SOX5: variants seen among roughly 807,000 people sequenced by gnomAD.
The protein encoded by SOX5 is SRY-box transcription factor 5, also known as transcription factor SOX-5.
SOX5 carries 9 observed loss-of-function variants against 92.0 expected under a neutral mutation model. The ratio of observed to expected loss-of-function variants is 0.10; its 90% confidence interval spans 0.06 to 0.17. The LOEUF (loss-of-function observed/expected upper bound fraction) is 0.17. Ranked by LOEUF, SOX5 falls within the 10% of genes least tolerant of loss-of-function variation. The probability of loss-of-function intolerance (pLI) is 1.00; values close to 1 mark genes in which losing one functional copy is unlikely to be tolerated. For missense variants in SOX5, 642 were observed against 944.5 expected, an observed-to-expected ratio of 0.68 and a Z score of 4.20; for synonymous variants, 344 against 336.3, an observed-to-expected ratio of 1.02 and a Z score of -0.25.
intron 1 of SOX5, among the ~76,000 whole-genome samples, chr12:24,376,857 C>T (rs1282031203): frequency 6.7e-6 from 1 of 149,370 alleles, no homozygotes; most frequent in Non-Finnish European, 1.5e-5. Flanking sequence ...GTGTGTGCCC[C>T]ATGCCCAGCT....
rs572426733 is a variant in SOX5, at chr12:23,657,432, G to A, written c.931+8012C>T. On this transcript the variant is annotated intron_variant, in intron 7 of 14. Coordinates refer to ENST00000451604, the MANE Select transcript of SOX5 (RefSeq NM_006940.6). ...ACGGAAAATATATATCTATTGTAGA[G>A]TTTGAAGCAAAATGTTTTATCTTAG... Among the ~76,000 whole-genome samples, 4 of 152,154 alleles carry A rather than the reference G, an allele frequency of 2.6e-5. 1 individual carries two copies. In the South Asian group the frequency reaches 8.3e-4, roughly 32 times the overall value.
At chr12:24,300,099 T>C (rs1158384914) in intron 2 of SOX5, among the ~76,000 whole-genome samples, 4 of 152,222 alleles carry the variant, frequency 2.6e-5, no homozygotes, top group African/African-American at 9.6e-5. Context: ...TCATGAACAA[T>C]TTAAATGTAT....
intron 4 of SOX5, among the ~76,000 whole-genome samples, chr12:24,063,607 G>A (rs935118501): frequency 6.6e-6 from 1 of 152,122 alleles, no homozygotes; most frequent in African/African-American, 2.4e-5. Context: ...TAAGGATGGC[G>A]AATGATTTCA....
intron 1 of SOX5, among the ~76,000 whole-genome samples, chr12:24,493,751 CT>C (rs1947327653): frequency 6.6e-6 from 1 of 151,850 alleles, no homozygotes; most frequent in African/African-American, 2.4e-5. Flanking sequence ...GTAGTCCCAG[CT>C]ACTCGGGAGG....
intron 1 of SOX5, among the ~76,000 whole-genome samples, chr12:24,472,584 G>T (rs955288794): frequency 6.6e-6 from 1 of 152,112 alleles, no homozygotes; most frequent in Non-Finnish European, 1.5e-5. Flanking sequence ...CCCCCAAATG[G>T]TTAACATAAG....
chr12:24,012,557 C>A (rs1331924875), intron 4 of SOX5, among the ~76,000 whole-genome samples: 1 of 152,130 alleles, frequency 6.6e-6, no homozygotes, highest in Non-Finnish European at 1.5e-5. Context: ...TCTGACTCAT[C>A]CTCATAACTC....
chr12:23,990,092 A>G (rs566922538), intron 4 of SOX5, among the ~76,000 whole-genome samples: 1 of 152,102 alleles, frequency 6.6e-6, no homozygotes, highest in South Asian at 2.1e-4. Flanking sequence ...GGAGGGAGTG[A>G]AGATATAAAA....
intron 2 of SOX5, among the ~76,000 whole-genome samples, chr12:23,853,543 G>GTTTTTTTTT: frequency 7.7e-6 from 1 of 129,046 alleles, no homozygotes; most frequent in Non-Finnish European, 1.7e-5. Flanking sequence ...TGTCTAACGT[G>GTTTTTTTTT]TTTTTTTTTT....
chr12:23,665,315 T>C, intron 7 of SOX5, 129 bp downstream of exon 7: 2 of 998,382 alleles, frequency 2.0e-6, no homozygotes, highest in Non-Finnish European at 3.1e-6. Flanking sequence ...ACACATTCTG[T>C]GTGTTTCCTC....
At chr12:23,840,918 G>A (rs185917588) in intron 3 of SOX5, among the ~76,000 whole-genome samples, 4 of 152,068 alleles carry the variant, frequency 2.6e-5, no homozygotes, top group East Asian at 1.9e-4. Flanking sequence ...AAATCTAAGC[G>A]ACCCTGGATT....
At chr12:24,514,433 G>T (rs1233728629) in intron 1 of SOX5, among the ~76,000 whole-genome samples, 1 of 152,084 alleles carries the variant, frequency 6.6e-6, no homozygotes, top group Non-Finnish European at 1.5e-5. Flanking sequence ...TTATCTATGA[G>T]TTCAGTTGTT....
chr12:24,368,844 A>C (rs998450633), intron 1 of SOX5, among the ~76,000 whole-genome samples: 2 of 152,208 alleles, frequency 1.3e-5, no homozygotes, highest in African/African-American at 4.8e-5. Flanking sequence ...CATTCTTGAG[A>C]ATAATTGCTT....
At chr12:23,824,317 T>C (rs943666210) in intron 3 of SOX5, among the ~76,000 whole-genome samples, 3 of 152,192 alleles carry the variant, frequency 2.0e-5, no homozygotes, top group African/African-American at 7.2e-5. Flanking sequence ...GTTGTCCTTT[T>C]TGTTGATGTT....
intron 6 of SOX5, among the ~76,000 whole-genome samples, chr12:23,731,858 T>C (rs559532416): frequency 6.6e-6 from 1 of 152,290 alleles, no homozygotes; most frequent in East Asian, 1.9e-4. Context: ...TACGCGTTGT[T>C]TTCTAAGGTC....
chr12:24,105,584 CT>C (rs1284983403), intron 4 of SOX5, among the ~76,000 whole-genome samples: 1 of 152,142 alleles, frequency 6.6e-6, no homozygotes, highest in Non-Finnish European at 1.5e-5. Context: ...ACCCATTTTG[CT>C]TTTCAGGACA....
At position 23,877,313 on chromosome 12, in the gene SOX5, C is replaced by A. The variant is rs182896499; in HGVS notation, c.270+18480G>T. ...ATATTTTTGTGCTCTGGAAAACAGC[C>A]TTATTCAGAGTGGATATTCTCTGTT... On this transcript the variant is annotated intron_variant, in intron 2 of 14. Transcript: ENST00000451604. 3.2e-4 allele frequency among the ~76,000 whole-genome samples: 48 copies of A among 151,928 alleles called. No homozygotes were observed. In the East Asian group the frequency reaches 8.9e-3, roughly 28 times the overall value.
chr12:23,570,910 CAAAAAAAAA>C (rs148593886), intron 10 of SOX5, among the ~76,000 whole-genome samples: 2 of 8,154 alleles, frequency 2.5e-4, no homozygotes, highest in African/African-American at 7.0e-4. Flanking sequence ...GACTCCAACT[CAAAAAAAAA>C]AAAAAAAAAA....
intron 6 of SOX5, among the ~76,000 whole-genome samples, chr12:23,686,909 T>C (rs150645098): frequency 0.015 from 2,356 of 152,126 alleles, 33 homozygotes; most frequent in Middle Eastern, 0.058. Flanking sequence ...ATTCCAGGGA[T>C]AATTTAAAAA....
At chr12:24,398,016 A>T (rs1348202355) in intron 1 of SOX5, among the ~76,000 whole-genome samples, 1 of 151,536 alleles carries the variant, frequency 6.6e-6, no homozygotes, top group Non-Finnish European at 1.5e-5. Context: ...TGCCTGACTA[A>T]TTTTTTTGTA....
Sources: allele counts gnomAD v4.1 joint callset (sites outside exome capture counted in the v4.1 genomes callset), GRCh38; gene constraint gnomAD v4.1.1; transcripts MANE v1.5; gene names NCBI Gene and HGNC (gene_info 2026-07-23, HGNC 2026-07-21).